The following GON4L variants were observed in gnomAD, a reference collection of about 807,000 sequenced individuals.
The protein encoded by GON4L is gon-4 like.
A neutral mutation model predicts 211.8 loss-of-function variants in GON4L; 87 were observed. The ratio of observed to expected loss-of-function variants is 0.41; its 90% CI spans 0.35 to 0.49. The LOEUF (loss-of-function observed/expected upper bound fraction) is 0.49, where lower values mean the gene tolerates loss of function less well. Ranked by LOEUF, GON4L falls within the 20% of genes least tolerant of loss-of-function variation. The probability of loss-of-function intolerance (pLI) is 0.15; values close to 1 mark genes in which losing one functional copy is unlikely to be tolerated. For synonymous variants in GON4L, 875 were observed against 962.6 expected, an observed-to-expected ratio of 0.91 and a Z score of 1.68; for missense variants, 2,155 against 2,659.5, an observed-to-expected ratio of 0.81 and a Z score of 4.17.
intron 2 of GON4L, among the ~76,000 whole-genome samples, chr1:155,842,951 T>C (rs1670913234): frequency 6.6e-6 from 1 of 152,190 alleles, no homozygotes; most frequent in Admixed American, 6.5e-5. Context: ...GCTGTTAAAC[T>C]TCGGGGAATC....
intron 2 of GON4L, among the ~76,000 whole-genome samples, chr1:155,838,310 T>C (rs541134988): frequency 6.6e-6 from 1 of 152,178 alleles, no homozygotes; most frequent in Non-Finnish European, 1.5e-5. Flanking sequence ...GTCTTCAGAA[T>C]TGTATAAATA....
chr1:155,796,521 G>A (rs567651344), intron 11 of GON4L, among the ~76,000 whole-genome samples: 29 of 152,122 alleles, frequency 1.9e-4, no homozygotes, highest in Admixed American at 3.9e-4. Context: ...CAGGTGATCC[G>A]CCTGCATTGG....
chr1:155,779,785 A>G (rs1664228427), intron 14 of GON4L, among the ~76,000 whole-genome samples: 1 of 151,930 alleles, frequency 6.6e-6, no homozygotes, highest in South Asian at 2.1e-4. Context: ...ACCTTAGAAG[A>G]GGAATTTATT....
At chr1:155,769,917 C>A (rs947191085) in intron 19 of GON4L, among the ~76,000 whole-genome samples, 2 of 147,824 alleles carry the variant, frequency 1.4e-5, no homozygotes, top group Admixed American at 1.4e-4. Context: ...ATAAATAAGG[C>A]CTAAATCCAA....
chr1:155,790,568 T>C (rs1665432984), intron 12 of GON4L, among the ~76,000 whole-genome samples: 1 of 152,158 alleles, frequency 6.6e-6, no homozygotes, highest in African/African-American at 2.4e-5. Context: ...GTTGCATTTT[T>C]TTTTCTCAGA....
chr1:155,853,949 G>C (rs1285358162), intron 1 of GON4L, 143 bp from the exon 2 acceptor site: 7 of 647,076 alleles, frequency 1.1e-5, no homozygotes, highest in South Asian at 1.9e-5. Context: ...TGGAAGTTGA[G>C]AGACAGTGGT....
chr1:155,813,577 G>T, intron 10 of GON4L, 57 bp downstream of exon 10: 1 of 1,284,778 alleles, frequency 7.8e-7, no homozygotes, highest in Non-Finnish European at 1.1e-6. Flanking sequence ...CCCAGCCTGA[G>T]CAACAACTAC....
Position 155,757,333 on chromosome 1 carries a change from G to A in GON4L, c.5254-10C>T, listed in dbSNP as rs1423015128. 1 of 1,612,546 alleles carries A rather than the reference G, an allele frequency of 6.2e-7. No homozygotes were observed. The highest frequency in any genetic ancestry group is 1.1e-5 in the South Asian group (1 of 91,014). ...ACATCTGTGTCTTGAGCTGAGGAGA[G>A]TCACAGAGGGAAAGAGGAAGTCTCC... is the stretch of plus-strand genomic sequence containing the variant. On this transcript the variant is annotated splice_polypyrimidine_tract_variant and intron_variant, in intron 25 of 31. Transcript: ENST00000368331.
chr1:155,776,443 G>A lies in GON4L; in HGVS notation c.2130C>T (p.Thr710=). The change falls in exon 16 of 32, where the codon ACC becomes ACT. Residue 710 remains threonine, a synonymous_variant. Coordinates refer to ENST00000368331, the MANE Select transcript of GON4L (RefSeq NM_001282860.2). ...QLLTQIHLLA[T]CNPNLNPEAT... ...CCTCCGGATTGAGGTTGGGGTTGCA[G>A]GTGGCAAGAAGGTGGATTTGGGTCA... The A allele has an allele frequency of 1.9e-6, 3 of 1,613,652 alleles. No homozygotes were observed. Among genetic ancestry groups the A allele is most frequent in the Non-Finnish European group, 2.5e-6 (3 of 1,179,580 alleles).
At chr1:155,786,864 TC>T (rs1664992563) in intron 12 of GON4L, among the ~76,000 whole-genome samples, 1 of 151,976 alleles carries the variant, frequency 6.6e-6, no homozygotes, top group Non-Finnish European at 1.5e-5. Context: ...CACCTTGGCC[TC>T]CCTAAGTGTT....
At chr1:155,750,799 T>C (rs1313611993) in intron 31 of GON4L, 66 bp from the exon 32 acceptor site, 96 of 1,453,988 alleles carry the variant, frequency 6.6e-5, no homozygotes, top group Admixed American at 1.6e-4. Context: ...AGTCTCTCTC[T>C]GTTGCTGAGA....
chr1:155,808,658 G>T (rs1359619139), intron 10 of GON4L, among the ~76,000 whole-genome samples: 1 of 151,572 alleles, frequency 6.6e-6, no homozygotes, highest in East Asian at 1.9e-4. Context: ...TGACAGTCTT[G>T]CTCTGTGGCC....
intron 1 of GON4L, among the ~76,000 whole-genome samples, chr1:155,854,444 C>G (rs950567933): frequency 5.9e-5 from 9 of 152,138 alleles, no homozygotes; most frequent in African/African-American, 2.2e-4. Context: ...CGTGAGCCAC[C>G]GCGTCCAGCA....
chr1:155,770,079 C>T (rs1663029820), intron 19 of GON4L, among the ~76,000 whole-genome samples: 1 of 143,906 alleles, frequency 6.9e-6, no homozygotes, highest in South Asian at 2.2e-4. Context: ...AGCATGGTGG[C>T]TCATGCATAT....
chr1:155,773,326 C>A, intron 17 of GON4L, 116 bp from the exon 18 acceptor site: 2 of 1,150,822 alleles, frequency 1.7e-6, no homozygotes, highest in East Asian at 2.5e-5. Flanking sequence ...ACTTGATTCC[C>A]TCCCATCTGC....
intron 23 of GON4L, 59 bp downstream of exon 23, chr1:155,762,131 C>T: frequency 7.4e-7 from 1 of 1,342,900 alleles, no homozygotes; most frequent in Non-Finnish European, 1.0e-6. Flanking sequence ...AAACATCTCC[C>T]TTGAAGAAGC....
At chr1:155,777,545 C>T in intron 15 of GON4L, 77 bp downstream of exon 15, 1 of 1,122,600 alleles carries the variant, frequency 8.9e-7, no homozygotes, top group Non-Finnish European at 1.4e-6. Context: ...GGCCACTGCA[C>T]TCCAGGCTGG....
chr1:155,762,222 CCTT>C lies in GON4L; in HGVS notation c.4876_4878del (p.Lys1626del). 6.2e-7 allele frequency: 1 copy of C among 1,609,932 alleles called. No homozygotes were observed. Among genetic ancestry groups the C allele is most frequent in the Non-Finnish European group, 8.5e-7 (1 of 1,178,210 alleles). ...AGATAAGCTTGGGCAAAGGCCAAGTCCTTCTGCTCCCTGAGTGGATCTCGCTCG... is the reference window on the plus strand; with the variant it reads ...AGATAAGCTTGGGCAAAGGCCAAGTCCTGCTCCCTGAGTGGATCTCGCTCG... On this transcript the variant is annotated inframe_deletion, in exon 23 of 32. Coordinates refer to ENST00000368331, the MANE Select transcript of GON4L (RefSeq NM_001282860.2).
intron 2 of GON4L, chr1:155,833,038 T>C (rs905947797): frequency 3.9e-5 from 6 of 152,120 alleles, no homozygotes; most frequent in Non-Finnish European, 8.8e-5. Flanking sequence ...CTATTACTTG[T>C]ATATACAACT....
Sources: allele counts gnomAD v4.1 joint callset (sites outside exome capture counted in the v4.1 genomes callset), GRCh38; gene constraint gnomAD v4.1.1; transcripts MANE v1.5; gene names NCBI Gene and HGNC (gene_info 2026-07-23, HGNC 2026-07-21).